Variants in HIBCH observed in about 807,000 individuals in gnomAD.
HIBCH encodes the protein 3-hydroxyisobutyryl-CoA hydrolase, also known as 3-hydroxyisobutyryl-CoA hydrolase, mitochondrial.
In HIBCH, 50 loss-of-function variants were observed where a neutral mutation model predicts 58.2. The ratio of observed to expected loss-of-function variants is 0.86; its 90% CI spans 0.68 to 1.09. The LOEUF (loss-of-function observed/expected upper bound fraction) is 1.09, where lower values mean the gene tolerates loss of function less well. Among genes scored for constraint, HIBCH ranks in the 50% least tolerant of loss-of-function variants. The pLI is 0.00. For missense variants in HIBCH, 450 were observed against 449.7 expected (o/e 1.00, Z -0.01); for synonymous variants, 151 against 146.9 (o/e 1.03, Z -0.20).
At chr2:190,314,124 CAA>C (rs1298969448) in intron 1 of HIBCH, among the ~76,000 whole-genome samples, 1 of 151,544 alleles carries the variant, frequency 6.6e-6, no homozygotes, top group Non-Finnish European at 1.5e-5. Context: ...AACAAGTAAA[CAA>C]AGAGAACTCA....
At chr2:190,297,717 A>C (rs184167529) in intron 2 of HIBCH, among the ~76,000 whole-genome samples, 48 of 152,216 alleles carry the variant, frequency 3.2e-4, no homozygotes, top group African/African-American at 8.7e-4. Context: ...ATTTCCCAGG[A>C]CTCTGCTATA....
chr2:190,238,385 C>G (rs1686346944), intron 11 of HIBCH, among the ~76,000 whole-genome samples: 1 of 152,216 alleles, frequency 6.6e-6, no homozygotes, highest in South Asian at 2.1e-4. Flanking sequence ...GAGATAGTTA[C>G]CTCATTGTGG....
At position 190,298,590 on chromosome 2, in the gene HIBCH, G is replaced by T. The variant is rs187967551; in HGVS notation, c.79-1637C>A. Among the ~76,000 whole-genome samples, 198 of 149,602 alleles carry T rather than the reference G, an allele frequency of 1.3e-3. 1 individual carries two copies. Among genetic ancestry groups the T allele is most frequent in the African/African-American group, 4.5e-3 (184 of 40,788 alleles). ...ATATCCTTCTCCCACTTTTTGATGGGTTTTTTTTTTCTTGTAAATTTAAGT... is the reference window on the plus strand; with the variant it reads ...ATATCCTTCTCCCACTTTTTGATGGTTTTTTTTTTTCTTGTAAATTTAAGT... On this transcript the variant is annotated intron_variant, in intron 2 of 13. Coordinates refer to ENST00000359678, the MANE Select transcript of HIBCH (RefSeq NM_014362.4).
chr2:190,252,583 A>G (rs542916026), intron 7 of HIBCH, among the ~76,000 whole-genome samples: 4 of 152,218 alleles, frequency 2.6e-5, no homozygotes, highest in Non-Finnish European at 5.9e-5. Context: ...GAAGTACTCA[A>G]TGTTACCTAA....
At chr2:190,301,001 C>T (rs1688243281) in intron 2 of HIBCH, among the ~76,000 whole-genome samples, 1 of 152,148 alleles carries the variant, frequency 6.6e-6, no homozygotes. Flanking sequence ...GAGAAATCTA[C>T]ACGAATGTTG....
chr2:190,289,315 T>C (rs1687907491), intron 5 of HIBCH, among the ~76,000 whole-genome samples: 1 of 152,194 alleles, frequency 6.6e-6, no homozygotes, highest in African/African-American at 2.4e-5. Flanking sequence ...ATATAAATGT[T>C]TATTTGTCTA....
rs147402887 is a variant in HIBCH, at chr2:190,233,996, A to G, written c.891+10891T>C. 2.4e-3 allele frequency among the ~76,000 whole-genome samples: 361 copies of G among 152,308 alleles called. 1 individual carries two copies. The highest frequency in any genetic ancestry group is 8.0e-3 in the African/African-American group (334 of 41,566). ...AAGATGGTGAAACCCCATCTCTACT[A>G]AAAATGCAAAATTAGCCAGGAGTGG... is the stretch of plus-strand genomic sequence containing the variant. On this transcript the variant is annotated intron_variant, in intron 11 of 13. Transcript: ENST00000359678.
intron 6 of HIBCH, among the ~76,000 whole-genome samples, chr2:190,276,451 T>C (rs1687554322): frequency 6.6e-6 from 1 of 152,208 alleles, no homozygotes; most frequent in Admixed American, 6.5e-5. Context: ...TGAAATTTAT[T>C]CTCCAACATT....
intron 1 of HIBCH, among the ~76,000 whole-genome samples, chr2:190,198,875 C>A (rs1028210974): frequency 1.3e-5 from 2 of 152,112 alleles, no homozygotes; most frequent in Non-Finnish European, 2.9e-5. Flanking sequence ...GCTTAGAAGG[C>A]ACATCACAAG....
chr2:190,294,806 TGAA>T (rs1688062520), intron 3 of HIBCH, among the ~76,000 whole-genome samples, 176 bp from the exon 4 acceptor site: 1 of 152,208 alleles, frequency 6.6e-6, no homozygotes, highest in African/African-American at 2.4e-5. Flanking sequence ...CCTTATCAAA[TGAA>T]CTTCATATGC....
intron 4 of HIBCH, among the ~76,000 whole-genome samples, chr2:190,293,610 T>C (rs892887281): frequency 2.0e-5 from 3 of 152,220 alleles, no homozygotes; most frequent in African/African-American, 4.8e-5. Flanking sequence ...TTTGAAATTA[T>C]GTCCTGAATC....
At chr2:190,222,827 T>C (rs1256286892) in intron 11 of HIBCH, among the ~76,000 whole-genome samples, 1 of 152,222 alleles carries the variant, frequency 6.6e-6, no homozygotes, top group Admixed American at 6.5e-5. Flanking sequence ...CACACGTATG[T>C]TTATTGCAGC....
chr2:190,294,018 G>GTATATATA (rs1282515390), intron 4 of HIBCH, among the ~76,000 whole-genome samples: 101 of 39,962 alleles, frequency 2.5e-3, no homozygotes, highest in African/African-American at 0.012. Context: ...TATATATTTT[G>GTATATATA]TGTGTATATA....
intron 2 of HIBCH, among the ~76,000 whole-genome samples, chr2:190,307,751 A>G (rs1358330856): frequency 6.6e-6 from 1 of 152,230 alleles, no homozygotes; most frequent in African/African-American, 2.4e-5. Flanking sequence ...CATAGTAAGA[A>G]TATGTCCAAA....
At chr2:190,235,010 G>A (rs1435900723) in intron 11 of HIBCH, among the ~76,000 whole-genome samples, 1 of 152,144 alleles carries the variant, frequency 6.6e-6, no homozygotes, top group African/African-American at 2.4e-5. Flanking sequence ...CACTACAACT[G>A]TTACTACTTG....
intron 2 of HIBCH, among the ~76,000 whole-genome samples, chr2:190,299,467 A>G (rs896569460): frequency 6.6e-6 from 1 of 151,730 alleles, no homozygotes; most frequent in Non-Finnish European, 1.5e-5. Context: ...ACAGTAAGAT[A>G]TATTTTGTAA....
chr2:190,319,348 T>A (rs1688787143), intron 1 of HIBCH, among the ~76,000 whole-genome samples: 2 of 152,196 alleles, frequency 1.3e-5, no homozygotes, highest in East Asian at 3.8e-4. Flanking sequence ...CACCTGTGTG[T>A]GCTGGCTGCA....
rs533348002 is a variant in HIBCH, at chr2:190,217,469, C to T, written c.892-4394G>A. Among the ~76,000 whole-genome samples the T allele has an allele frequency of 3.3e-5, 5 of 152,058 alleles. No individual in the cohort carries two copies. Among genetic ancestry groups the T allele is most frequent in the Non-Finnish European group, 7.4e-5 (5 of 68,014 alleles). ...CTGCACTCCAGCCTGGGCGACAGAACGAGATTCTGTCTTAAAACAAAAAAA... is the reference window on the plus strand; with the variant it reads ...CTGCACTCCAGCCTGGGCGACAGAATGAGATTCTGTCTTAAAACAAAAAAA... On this transcript the variant is annotated intron_variant, in intron 11 of 13. Transcript: ENST00000359678. The surrounding 1 kb of genome is among the most constrained non-coding windows in gnomAD (Gnocchi z 4.6).
At chr2:190,224,203 G>A (rs1280367962) in intron 11 of HIBCH, among the ~76,000 whole-genome samples, 2 of 152,230 alleles carry the variant, frequency 1.3e-5, no homozygotes, top group African/African-American at 4.8e-5. Context: ...AGCGAGGCTG[G>A]GGAAGGGGCG....
Sources: gnomAD v4.1 joint callset for allele counts (sites outside exome capture counted in the v4.1 genomes callset) on GRCh38, gnomAD v4.1.1 for gene constraint, Gnocchi (gnomAD v3.1) non-coding constraint, MANE v1.5 for transcripts, NCBI Gene and HGNC (gene_info 2026-07-23, HGNC 2026-07-21) for gene names.